Variants in SLC35A1 observed in about 807,000 individuals in gnomAD.
SLC35A1 encodes CMP-sialic acid transporter.
In SLC35A1, 21 loss-of-function variants were observed where a neutral mutation model predicts 40.3. The observed-to-expected ratio is 0.52, with a 90% CI of 0.37 to 0.75. The LOEUF is 0.75. Ranked by LOEUF, SLC35A1 falls within the 30% of genes least tolerant of loss-of-function variation. The probability of loss-of-function intolerance (pLI) is 0.00; values close to 1 mark genes in which losing one functional copy is unlikely to be tolerated. For synonymous variants in SLC35A1, 146 were observed against 147.3 expected, an observed-to-expected ratio of 0.99 and a Z score of 0.06; for missense variants, 297 against 382.1, an observed-to-expected ratio of 0.78 and a Z score of 1.86.
At chr6:87,510,743 G>A (rs143166814) in intron 7 of SLC35A1, among the ~76,000 whole-genome samples, 2 of 151,880 alleles carry the variant, frequency 1.3e-5, no homozygotes, top group African/African-American at 2.4e-5. Context: ...GCACGGTGGC[G>A]CATGCTCCTC....
At chr6:87,484,289 A>T (rs1052452460) in intron 2 of SLC35A1, among the ~76,000 whole-genome samples, 1 of 152,198 alleles carries the variant, frequency 6.6e-6, no homozygotes, top group African/African-American at 2.4e-5. Context: ...CTGGAGGGGA[A>T]TGTAATCCCA....
Position 87,477,351 on chromosome 6 carries a change from G to C in SLC35A1, c.17-11G>C. On this transcript the variant is annotated splice_polypyrimidine_tract_variant and intron_variant, in intron 1 of 7. Coordinates refer to ENST00000369552, the MANE Select transcript of SLC35A1 (RefSeq NM_006416.5). The stretch of plus-strand genomic sequence containing the variant: ...CTACTAAGTAATGTCTTTGTTGCAC[G>C]TATTTTCCAGACAATGTCACTTTAT... 6.2e-7 allele frequency: 1 copy of C among 1,608,712 alleles called. No homozygotes were observed. The highest frequency in any genetic ancestry group is 8.5e-7 in the Non-Finnish European group (1 of 1,177,756).
intron 1 of SLC35A1, 140 bp downstream of exon 1, chr6:87,473,159 T>G (rs906596404): frequency 8.8e-5 from 35 of 395,504 alleles, no homozygotes; most frequent in African/African-American, 7.0e-4. Flanking sequence ...GTCAGGAGTT[T>G]GCGTGGAGCC....
At chr6:87,498,275 G>A (rs1769802376) in intron 2 of SLC35A1, among the ~76,000 whole-genome samples, 1 of 151,888 alleles carries the variant, frequency 6.6e-6, no homozygotes, top group Non-Finnish European at 1.5e-5. Context: ...ATTTTAGAAG[G>A]GCACTAAAAC....
At chr6:87,499,427 T>C (rs1769845457) in intron 2 of SLC35A1, among the ~76,000 whole-genome samples, 1 of 152,232 alleles carries the variant, frequency 6.6e-6, no homozygotes, top group Admixed American at 6.5e-5. Flanking sequence ...GTATTGGTGC[T>C]TATTATAAAA....
At chr6:87,494,252 T>C (rs1254193621) in intron 2 of SLC35A1, among the ~76,000 whole-genome samples, 1 of 152,218 alleles carries the variant, frequency 6.6e-6, no homozygotes, top group African/African-American at 2.4e-5. Flanking sequence ...AACACAAAGA[T>C]GTAATAATTA....
chr6:87,500,749 AT>A lies in SLC35A1; in HGVS notation c.354+98del, dbSNP rs34275744. ...TTATTAACTCTTTATCATATTATCAATTTTTTTTTTTTTTTTGAGATGGAGT... is the reference window on the plus strand; with the variant it reads ...TTATTAACTCTTTATCATATTATCAATTTTTTTTTTTTTTTGAGATGGAGT... On this transcript the variant is annotated intron_variant, in intron 3 of 7. Transcript: ENST00000369552. 0.24 allele frequency: 255,494 copies of A among 1,067,942 alleles called. 2,206 individuals carry two copies. Among genetic ancestry groups the A allele is most frequent in the East Asian group, 0.28 (9,492 of 33,908 alleles). 66.2% of individuals were successfully genotyped at this position (1,067,942 alleles called of 1,614,324 possible).
intron 2 of SLC35A1, among the ~76,000 whole-genome samples, chr6:87,484,722 GGTGGAGTAGGTAATCAGAATGAGTCAGA>G (rs1403807486): frequency 9.2e-5 from 14 of 151,456 alleles, no homozygotes; most frequent in Non-Finnish European, 1.9e-4. Flanking sequence ...AATGAGTCAG[GGTGGAGTAGGTAATCAGAATGAGTCAGA>G]GTGGAGAGGG....
intron 2 of SLC35A1, among the ~76,000 whole-genome samples, chr6:87,488,276 G>A (rs146183119): frequency 8.5e-5 from 13 of 152,220 alleles, no homozygotes; most frequent in South Asian, 4.1e-4. Context: ...AACAATGATC[G>A]TGTAAAAACA....
intron 2 of SLC35A1, among the ~76,000 whole-genome samples, chr6:87,483,261 G>A (rs922720776): frequency 4.6e-5 from 7 of 150,818 alleles, no homozygotes; most frequent in Non-Finnish European, 7.4e-5. Flanking sequence ...CCTCTCTGCT[G>A]GTCTTTCCCT....
chr6:87,499,094 G>A, intron 2 of SLC35A1: 1 of 982,584 alleles, frequency 1.0e-6, no homozygotes, highest in Non-Finnish European at 1.2e-6. Context: ...TGTGGCTTAG[G>A]TCAAAGTTCC....
chr6:87,487,188 A>G (rs1769414931), intron 2 of SLC35A1, among the ~76,000 whole-genome samples: 1 of 152,202 alleles, frequency 6.6e-6, no homozygotes, highest in Non-Finnish European at 1.5e-5. Context: ...AAGAAAAAAA[A>G]GAAAAAGAAA....
chr6:87,508,609 G>A lies in SLC35A1; in HGVS notation c.751+13G>A. 1 of 1,604,136 alleles carries A rather than the reference G, an allele frequency of 6.2e-7. No homozygotes were observed. Among genetic ancestry groups the A allele is most frequent in the Non-Finnish European group, 8.5e-7 (1 of 1,173,130 alleles). ...TGGTTTGTCATCTGTAAGTATCCAG[G>A]AATTAAAGGTTCTTAGTAGATCCTT... On this transcript the variant is annotated intron_variant, in intron 6 of 7. Coordinates refer to ENST00000369552, the MANE Select transcript of SLC35A1 (RefSeq NM_006416.5).
At chr6:87,488,595 C>CT (rs1355606824) in intron 2 of SLC35A1, 1 of 152,200 alleles carries the variant, frequency 6.6e-6, no homozygotes, top group Admixed American at 6.5e-5. Context: ...TGCCCTAGAA[C>CT]TTTGTAAGAG....
chr6:87,495,758 C>A (rs952598243), intron 2 of SLC35A1, among the ~76,000 whole-genome samples: 1 of 151,780 alleles, frequency 6.6e-6, no homozygotes, highest in African/African-American at 2.4e-5. Flanking sequence ...CGGGTTCATG[C>A]CATCCTCCTG....
chr6:87,510,198 T>TA (rs1223617776), intron 7 of SLC35A1, among the ~76,000 whole-genome samples: 1 of 152,210 alleles, frequency 6.6e-6, no homozygotes, highest in Non-Finnish European at 1.5e-5. Context: ...TGACACTACT[T>TA]ACCAACCACT....
intron 1 of SLC35A1, among the ~76,000 whole-genome samples, chr6:87,475,881 T>A (rs1769055243): frequency 1.3e-5 from 2 of 152,232 alleles, no homozygotes; most frequent in African/African-American, 4.8e-5. Context: ...GCCTAAAATA[T>A]TTGTTTCTGG....
chr6:87,492,720 T>C (rs1319372244), intron 2 of SLC35A1, among the ~76,000 whole-genome samples: 1 of 151,974 alleles, frequency 6.6e-6, no homozygotes, highest in Non-Finnish European at 1.5e-5. Context: ...CGGCTAATTT[T>C]TGTATTTTTA....
chr6:87,494,477 C>T (rs1769657110), intron 2 of SLC35A1, among the ~76,000 whole-genome samples: 1 of 148,132 alleles, frequency 6.8e-6, no homozygotes, highest in African/African-American at 2.5e-5. Flanking sequence ...GGCTGGAGTG[C>T]AGTGGTGTGA....
Sources: allele counts gnomAD v4.1 joint callset (sites outside exome capture counted in the v4.1 genomes callset), GRCh38; gene constraint gnomAD v4.1.1; transcripts MANE v1.5; gene names NCBI Gene and HGNC (gene_info 2026-07-23, HGNC 2026-07-21).